Variants in MAP4 observed in about 807,000 individuals in gnomAD.
The protein encoded by MAP4 is microtubule associated protein 4.
In MAP4, 76 loss-of-function variants were observed where a neutral mutation model predicts 170.2. The observed-to-expected ratio is 0.45, with a 90% confidence interval of 0.37 to 0.54. The LOEUF is 0.54. MAP4 is among the 20% of genes least tolerant of loss of function. The pLI, the probability that MAP4 is intolerant of heterozygous loss-of-function variation, is 0.00. For missense variants in MAP4, 2,506 were observed against 2,748.0 expected (o/e 0.91, Z 1.97); for synonymous variants, 909 against 994.5 (o/e 0.91, Z 1.62).
At chr3:48,071,763 G>T (rs937975065) in intron 1 of MAP4, among the ~76,000 whole-genome samples, 1 of 151,760 alleles carries the variant, frequency 6.6e-6, no homozygotes, top group African/African-American at 2.4e-5. Flanking sequence ...CATTAGCAGG[G>T]TGTGGTGGTG....
intron 3 of MAP4, among the ~76,000 whole-genome samples, chr3:47,948,517 G>C (rs931390849): frequency 6.6e-6 from 1 of 151,308 alleles, no homozygotes; most frequent in African/African-American, 2.4e-5. Flanking sequence ...GAGTCACCAC[G>C]CCCAACCCAT....
intron 3 of MAP4, among the ~76,000 whole-genome samples, chr3:47,967,735 G>A (rs1315911445): frequency 2.0e-5 from 3 of 152,192 alleles, no homozygotes; most frequent in Admixed American, 6.5e-5. Flanking sequence ...GCCGAGGTGG[G>A]AAGAACACTT....
chr3:48,032,375 G>A (rs908745761), intron 1 of MAP4, among the ~76,000 whole-genome samples: 1 of 151,830 alleles, frequency 6.6e-6, no homozygotes, highest in African/African-American at 2.4e-5. Context: ...GGTGGTGTGC[G>A]CCTGTAATCC....
chr3:47,953,723 C>A (rs1290774567), intron 3 of MAP4, among the ~76,000 whole-genome samples: 2 of 125,982 alleles, frequency 1.6e-5, no homozygotes, highest in East Asian at 4.2e-4. Context: ...ATTGAGAAAT[C>A]CATTAGTGAG....
At chr3:48,067,277 A>G (rs1040859691) in intron 1 of MAP4, among the ~76,000 whole-genome samples, 14 of 148,642 alleles carry the variant, frequency 9.4e-5, no homozygotes, top group South Asian at 2.1e-4. Flanking sequence ...AGTAGAGGGG[A>G]AAAAAAAACC....
intron 6 of MAP4, among the ~76,000 whole-genome samples, chr3:47,917,400 A>T (rs933633355): frequency 8.6e-5 from 13 of 152,010 alleles, no homozygotes; most frequent in African/African-American, 2.9e-4. Flanking sequence ...CCAGCCTGAC[A>T]AACATGGTGA....
At chr3:48,086,098 ATATATG>A (rs2100148862) in intron 1 of MAP4, among the ~76,000 whole-genome samples, 1 of 150,126 alleles carries the variant, frequency 6.7e-6, no homozygotes, top group African/African-American at 2.5e-5. Flanking sequence ...ATGTGTGTAT[ATATATG>A]TATATGTGTA....
At chr3:48,009,604 C>G (rs1325600064) in intron 1 of MAP4, among the ~76,000 whole-genome samples, 1 of 152,170 alleles carries the variant, frequency 6.6e-6, no homozygotes, top group Admixed American at 6.5e-5. Context: ...ACAACGCCAA[C>G]TAGGTGACAA....
At chr3:47,861,073 AAGTT>A (rs2064902926) in intron 17 of MAP4, among the ~76,000 whole-genome samples, 1 of 152,046 alleles carries the variant, frequency 6.6e-6, no homozygotes, top group Non-Finnish European at 1.5e-5. Flanking sequence ...AAAAATACAA[AAGTT>A]AGGCTGGGCG....
chr3:48,082,562 G>A (rs2100147126), intron 1 of MAP4, among the ~76,000 whole-genome samples: 1 of 152,196 alleles, frequency 6.6e-6, no homozygotes, highest in Non-Finnish European at 1.5e-5. Context: ...AGCATTTTCG[G>A]AGGATGAGGC....
At chr3:47,967,472 T>C (rs1015004906) in intron 3 of MAP4, among the ~76,000 whole-genome samples, 3 of 151,874 alleles carry the variant, frequency 2.0e-5, no homozygotes, top group Admixed American at 6.6e-5. Context: ...GCCAACATGG[T>C]AAAATGCTGT....
chr3:47,957,139 T>G (rs1222620534), intron 3 of MAP4, among the ~76,000 whole-genome samples: 2 of 152,158 alleles, frequency 1.3e-5, no homozygotes, highest in African/African-American at 4.8e-5. Context: ...AAGTGCCCAA[T>G]CTACCACCAT....
chr3:47,959,215 C>G (rs2100069841), intron 3 of MAP4, among the ~76,000 whole-genome samples: 1 of 152,116 alleles, frequency 6.6e-6, no homozygotes, highest in Non-Finnish European at 1.5e-5. Flanking sequence ...CACCTGTAAT[C>G]CCAGCACTTT....
chr3:47,988,257 ATTT>A (rs55794111), intron 2 of MAP4, among the ~76,000 whole-genome samples: 1 of 149,886 alleles, frequency 6.7e-6, no homozygotes, highest in Admixed American at 6.6e-5. Context: ...TTCAGACAGG[ATTT>A]TTTTTTTAAT....
At chr3:47,860,390 C>T (rs906097932) in intron 17 of MAP4, among the ~76,000 whole-genome samples, 2 of 152,304 alleles carry the variant, frequency 1.3e-5, no homozygotes, top group African/African-American at 4.8e-5. Context: ...GAAGGGGTTT[C>T]GCCAAGTGGC....
At chr3:48,084,485 C>G (rs921743170) in intron 1 of MAP4, among the ~76,000 whole-genome samples, 1 of 151,616 alleles carries the variant, frequency 6.6e-6, no homozygotes, top group Non-Finnish European at 1.5e-5. Context: ...ACCATAAGGT[C>G]TGCATTTAAA....
chr3:47,880,259 A>ATT (rs35700801), intron 10 of MAP4, among the ~76,000 whole-genome samples: 259 of 106,352 alleles, frequency 2.4e-3, no homozygotes, highest in African/African-American at 7.5e-3. Context: ...CACCTGGCTA[A>ATT]TTTTTTTTTT....
intron 17 of MAP4, 60 bp from the exon 18 acceptor site, chr3:47,857,572 C>CA: frequency 8.9e-7 from 1 of 1,120,750 alleles, no homozygotes; most frequent in South Asian, 1.3e-5. Context: ...GAGCCAACCC[C>CA]ATGCTACCTT....
chr3:47,916,034 T>G lies in MAP4; in HGVS notation c.1793A>C (p.Gln598Pro), dbSNP rs778975314. 36 of 1,614,240 alleles carry G rather than the reference T, an allele frequency of 2.2e-5. No homozygotes were observed. Among genetic ancestry groups the G allele is most frequent in the Middle Eastern group, 1.6e-4 (1 of 6,062 alleles). Residue 598 changes from glutamine (Q) to proline (P), a missense_variant, in exon 7 of 21, where the codon CAA becomes CCA. By Grantham distance (76) the Gln-to-Pro change is moderately conservative. Coordinates refer to ENST00000683076, the MANE Select transcript of MAP4 (RefSeq NM_001385682.1). ...PIKDMEIAQT[Q>P]KGISEDSHLE... ...ATGGGAATCCTCACTTATTCCTTTT[T>G]GTGTTTGTGCAATTTCCATGTCTTT...
Sources: gnomAD v4.1 joint callset for allele counts (sites outside exome capture counted in the v4.1 genomes callset) on GRCh38, gnomAD v4.1.1 for gene constraint, MANE v1.5 for transcripts, NCBI Gene and HGNC (gene_info 2026-07-23, HGNC 2026-07-21) for gene names.